Variants in KCNMB2 observed in about 807,000 individuals in gnomAD.
The protein encoded by KCNMB2 is potassium calcium-activated channel subfamily M regulatory beta subunit 2, also known as calcium-activated potassium channel subunit beta-2.
KCNMB2 carries 9 observed loss-of-function variants against 24.5 expected under a neutral mutation model. That is an observed-to-expected ratio of 0.37 (90% CI 0.22 to 0.64). The LOEUF is 0.64. Among genes scored for constraint, KCNMB2 ranks in the 30% least tolerant of loss-of-function variants. The pLI, the probability that KCNMB2 is intolerant of heterozygous loss-of-function variation, is 0.63. For missense variants in KCNMB2, 226 were observed against 284.3 expected, an observed-to-expected ratio of 0.79 and a Z score of 1.47; for synonymous variants, 109 against 104.4, an observed-to-expected ratio of 1.04 and a Z score of -0.27.
At chr3:178,805,181 C>T (rs553440931) in intron 1 of KCNMB2, among the ~76,000 whole-genome samples, 2 of 152,310 alleles carry the variant, frequency 1.3e-5, no homozygotes, top group East Asian at 3.9e-4. Flanking sequence ...GGTTACTAAA[C>T]TCTCAGCCTC....
intron 1 of KCNMB2, among the ~76,000 whole-genome samples, chr3:178,665,742 T>C (rs1391885315): frequency 1.3e-5 from 2 of 152,182 alleles, no homozygotes; most frequent in African/African-American, 4.8e-5. Context: ...GCAAAGTTTC[T>C]ATCCTCGTAC....
intron 1 of KCNMB2, among the ~76,000 whole-genome samples, chr3:178,693,705 C>T (rs1721765298): frequency 6.6e-6 from 1 of 151,592 alleles, no homozygotes; most frequent in South Asian, 2.1e-4. Context: ...TGGCCTGAAG[C>T]TTTTTTTTCT....
At chr3:178,712,547 A>G (rs1403779398) in intron 1 of KCNMB2, among the ~76,000 whole-genome samples, 1 of 152,194 alleles carries the variant, frequency 6.6e-6, no homozygotes, top group Non-Finnish European at 1.5e-5. Context: ...GATAGCTGAC[A>G]TTTATTACAC....
At chr3:178,649,501 CTTT>C in intron 1 of KCNMB2, among the ~76,000 whole-genome samples, 1 of 149,136 alleles carries the variant, frequency 6.7e-6, no homozygotes, top group Non-Finnish European at 1.5e-5. Flanking sequence ...TAGTCCTGGG[CTTT>C]TTTTTTTGGT....
chr3:178,635,876 C>G (rs925028568), intron 1 of KCNMB2, among the ~76,000 whole-genome samples: 3 of 152,116 alleles, frequency 2.0e-5, no homozygotes, highest in Non-Finnish European at 4.4e-5. Context: ...TTGTTCATTA[C>G]CTACTAATTC....
intron 1 of KCNMB2, among the ~76,000 whole-genome samples, chr3:178,587,731 C>A (rs369039013): frequency 4.4e-5 from 6 of 136,906 alleles, no homozygotes; most frequent in African/African-American, 1.7e-4. Context: ...CAGGCGTGAG[C>A]CAGTAATCTT....
chr3:178,617,616 G>A (rs1040921263), intron 1 of KCNMB2, among the ~76,000 whole-genome samples: 4 of 151,752 alleles, frequency 2.6e-5, no homozygotes, highest in East Asian at 3.9e-4. Context: ...CCAGCGAGGC[G>A]CGGTGGCTCA....
At chr3:178,686,514 T>G (rs1300330791) in intron 1 of KCNMB2, among the ~76,000 whole-genome samples, 1 of 152,198 alleles carries the variant, frequency 6.6e-6, no homozygotes, top group Non-Finnish European at 1.5e-5. Context: ...GAGGGCCTTA[T>G]AACCTGCTTC....
intron 1 of KCNMB2, among the ~76,000 whole-genome samples, chr3:178,617,769 T>C (rs146510475): frequency 0.012 from 1,881 of 151,562 alleles, 24 homozygotes; most frequent in Non-Finnish European, 0.019. Context: ...TGGGTACCTG[T>C]AGTCCCAGCT....
At chr3:178,608,363 G>C (rs970529159) in intron 1 of KCNMB2, among the ~76,000 whole-genome samples, 5 of 150,832 alleles carry the variant, frequency 3.3e-5, no homozygotes, top group Admixed American at 2.7e-4. Flanking sequence ...ATATACATAG[G>C]GTTGATTGTA....
intron 1 of KCNMB2, among the ~76,000 whole-genome samples, chr3:178,581,105 G>A (rs1717184866): frequency 2.6e-5 from 4 of 152,098 alleles, no homozygotes; most frequent in Admixed American, 1.3e-4. Context: ...CACACTATCT[G>A]ACTTCAAACT....
chr3:178,652,216 G>A (rs115394144), intron 1 of KCNMB2, among the ~76,000 whole-genome samples: 13,546 of 151,872 alleles, frequency 0.089, 694 homozygotes, highest in Middle Eastern at 0.2. Flanking sequence ...GAACTTAAAC[G>A]AATTTACATG....
rs139388657 is a variant in KCNMB2 at position 178,742,789 on chromosome 3, C to T, written c.-67-64554C>T. Among the ~76,000 whole-genome samples, 823 of 152,246 alleles carry T rather than the reference C, an allele frequency of 5.4e-3. 13 individuals carry two copies. The highest frequency in any genetic ancestry group is 0.019 in the African/African-American group (788 of 41,544). ...AAAGGGTTTTGAGTTGACGGCCTCA[C>T]ACACCTTGGAATATTGCTTCAATAT... is the stretch of plus-strand genomic sequence containing the variant. On this transcript the variant is annotated intron_variant, in intron 1 of 4. Coordinates refer to ENST00000452583, the MANE Select transcript of KCNMB2 (RefSeq NM_181361.3).
chr3:178,538,318 T>C (rs902107734), intron 1 of KCNMB2, among the ~76,000 whole-genome samples: 5 of 152,226 alleles, frequency 3.3e-5, no homozygotes, highest in Non-Finnish European at 4.4e-5. Flanking sequence ...TGCTTCTATG[T>C]TACCAGTGAA....
chr3:178,689,257 A>G (rs1721581388), intron 1 of KCNMB2, among the ~76,000 whole-genome samples: 1 of 152,128 alleles, frequency 6.6e-6, no homozygotes, highest in Non-Finnish European at 1.5e-5. Flanking sequence ...TTTTAATACC[A>G]TATTTTTTAT....
chr3:178,585,145 C>G (rs1434563190), intron 1 of KCNMB2, among the ~76,000 whole-genome samples: 1 of 152,166 alleles, frequency 6.6e-6, no homozygotes, highest in East Asian at 1.9e-4. Context: ...TTTCTGCAAA[C>G]AGAAAGCAGA....
intron 1 of KCNMB2, among the ~76,000 whole-genome samples, chr3:178,759,241 A>G (rs1266694506): frequency 8.1e-6 from 1 of 123,122 alleles, no homozygotes; most frequent in African/African-American, 3.1e-5. Context: ...GGAGATAGAT[A>G]TATATATATC....
chr3:178,693,971 G>A (rs967592865), intron 1 of KCNMB2, among the ~76,000 whole-genome samples: 9 of 150,858 alleles, frequency 6.0e-5, no homozygotes, highest in East Asian at 3.9e-4. Flanking sequence ...GGGATTAAAC[G>A]CATTCCTGTT....
intron 1 of KCNMB2, among the ~76,000 whole-genome samples, chr3:178,620,447 T>A (rs2108526337): frequency 6.6e-6 from 1 of 152,326 alleles, no homozygotes; most frequent in Middle Eastern, 3.4e-3. Context: ...CAAAAATTTA[T>A]CTATTACAAT....
Sources: allele counts gnomAD v4.1 joint callset (sites outside exome capture counted in the v4.1 genomes callset), GRCh38; gene constraint gnomAD v4.1.1; transcripts MANE v1.5; gene names NCBI Gene and HGNC (gene_info 2026-07-23, HGNC 2026-07-21).